NUP210L: variants seen among roughly 807,000 people sequenced by gnomAD.
NUP210L encodes nucleoporin 210 like.
In NUP210L, 74 loss-of-function variants were observed where a neutral mutation model predicts 208.5. That is an observed-to-expected ratio of 0.35 (90% CI 0.29 to 0.43). NUP210L has a LOEUF of 0.43. Among genes scored for constraint, NUP210L ranks in the 20% least tolerant of loss-of-function variants. The probability of loss-of-function intolerance (pLI) is 1.00; values close to 1 mark genes in which losing one functional copy is unlikely to be tolerated. For synonymous variants in NUP210L, 780 were observed against 816.9 expected (o/e 0.95, Z 0.77); for missense variants, 1,843 against 2,289.4 (o/e 0.81, Z 3.98).
chr1:154,039,838 A>G (rs1210579838), intron 27 of NUP210L: 1 of 152,112 alleles, frequency 6.6e-6, no homozygotes, highest in African/African-American at 2.4e-5. Context: ...GAATATTGAT[A>G]TCTTTCTCTA....
chr1:154,034,084 A>G (rs1652401725), intron 27 of NUP210L, among the ~76,000 whole-genome samples: 1 of 151,988 alleles, frequency 6.6e-6, no homozygotes, highest in Admixed American at 6.6e-5. Context: ...TCAGTTTGCT[A>G]GTATTTTCAT....
rs1179239289 is a variant in NUP210L at position 154,009,615 on chromosome 1, C to T, written c.4930+357G>A. Among the ~76,000 whole-genome samples the T allele has an allele frequency of 2.8e-5, 3 of 106,618 alleles. No individual in the cohort carries two copies. The Admixed American group carries it at 3.9e-4, about 14-fold the overall frequency. 69.9% of individuals were successfully genotyped at this position (106,618 alleles called of 152,430 possible). A position where few individuals can be genotyped will look rare whatever the true frequency, so the allele number is the denominator to read the frequency against. ...CAGCCTGGGCAATATAGGAAGATCA[C>T]GTTGCTCTTAAAAAAAAAAAAAAAA... On this transcript the variant is annotated intron_variant, in intron 35 of 39. Coordinates refer to ENST00000368559, the Ensembl canonical transcript of NUP210L.
rs758098192 is a variant in NUP210L, at chr1:154,030,061, A to G, written c.3697-7T>C. Reference sequence around the variant, plus strand: ...CTGGGAGCTGTAGAAAAACCTAGACAGTGAAGGGATAGATTAAGAAATATT... The same window carrying G: ...CTGGGAGCTGTAGAAAAACCTAGACGGTGAAGGGATAGATTAAGAAATATT... On this transcript the variant is annotated splice_region_variant and splice_polypyrimidine_tract_variant and intron_variant, in intron 27 of 39. Coordinates refer to ENST00000368559, the Ensembl canonical transcript of NUP210L. The G allele has an allele frequency of 2.2e-5, 35 of 1,563,274 alleles. No homozygotes were observed. Among genetic ancestry groups the G allele is most frequent in the Non-Finnish European group, 3.0e-5 (35 of 1,162,036 alleles).
intron 16 of NUP210L, among the ~76,000 whole-genome samples, chr1:154,085,720 C>G (rs938479687): frequency 6.6e-6 from 1 of 152,132 alleles, no homozygotes; most frequent in East Asian, 1.9e-4. Flanking sequence ...AACCTCAAAA[C>G]TTACTACAAA....
At chr1:154,019,267 G>A (rs572889535) in intron 32 of NUP210L, among the ~76,000 whole-genome samples, 198 bp from the exon 33 acceptor site, 2 of 152,278 alleles carry the variant, frequency 1.3e-5, no homozygotes, top group East Asian at 1.9e-4. Flanking sequence ...AGAATCATAA[G>A]AAGAGCTACG....
chr1:154,151,709 G>A (rs1460271941), intron 2 of NUP210L, among the ~76,000 whole-genome samples: 1 of 151,930 alleles, frequency 6.6e-6, no homozygotes, highest in African/African-American at 2.4e-5. Flanking sequence ...TCACTGTGTT[G>A]CGCAGGCCAG....
intron 35 of NUP210L, among the ~76,000 whole-genome samples, chr1:154,007,787 G>GA (rs1007825341): frequency 6.6e-6 from 1 of 151,248 alleles, no homozygotes; most frequent in Non-Finnish European, 1.5e-5. Context: ...TGTTAGCCAG[G>GA]ATGGTCTCGG....
rs1159705813 is a variant in NUP210L, at chr1:154,119,169, AG to A, written c.1327-362del. 2.0e-5 allele frequency among the ~76,000 whole-genome samples: 3 copies of A among 152,296 alleles called. No individual in the cohort carries two copies. In the East Asian group the frequency reaches 5.8e-4, roughly 29 times the overall value. On this transcript the variant is annotated intron_variant, in intron 10 of 39. Coordinates refer to ENST00000368559, the Ensembl canonical transcript of NUP210L. ...GGACATCCATAAACTGTAAAGGGAA[AG>A]GGATACTATAAGCTATTCAGAAGAA... is the stretch of plus-strand genomic sequence containing the variant.
intron 21 of NUP210L, 97 bp from the exon 22 acceptor site, chr1:154,058,313 C>G (rs1430253265): frequency 7.6e-7 from 1 of 1,307,798 alleles, no homozygotes; most frequent in Non-Finnish European, 1.1e-6. Context: ...TTCTTTCATG[C>G]TAAATGATCC....
At chr1:154,099,888 A>G (rs1028730997) in intron 14 of NUP210L, 110 bp downstream of exon 14, 1 of 1,115,682 alleles carries the variant, frequency 9.0e-7, no homozygotes, top group Non-Finnish European at 1.3e-6. Flanking sequence ...TAAAGAGAAC[A>G]TAAATGTCAT....
chr1:154,076,153 G>A (rs1655026748), intron 16 of NUP210L, among the ~76,000 whole-genome samples: 2 of 148,512 alleles, frequency 1.3e-5, no homozygotes, highest in South Asian at 4.3e-4. Context: ...TGCCAGGCTG[G>A]AGTGCAGTGG....
At chr1:154,114,761 A>T (rs1215022562) in intron 12 of NUP210L, among the ~76,000 whole-genome samples, 1 of 126,426 alleles carries the variant, frequency 7.9e-6, no homozygotes, top group Non-Finnish European at 1.6e-5. Flanking sequence ...TGCCTGGTTA[A>T]TTTTTTTTTT....
chr1:153,997,924 G>C (rs936397721), intron 37 of NUP210L, among the ~76,000 whole-genome samples: 2 of 151,562 alleles, frequency 1.3e-5, no homozygotes, highest in African/African-American at 4.8e-5. Flanking sequence ...TGGCCAGGCT[G>C]GTCTCAAACT....
intron 4 of NUP210L, 136 bp from the exon 5 acceptor site, chr1:154,140,088 C>T (rs1658762857): frequency 1.3e-5 from 9 of 680,510 alleles, no homozygotes; most frequent in East Asian, 2.7e-5. Context: ...TGGTAGCTCA[C>T]GCCTGTAATC....
intron 35 of NUP210L, among the ~76,000 whole-genome samples, chr1:154,009,122 C>T (rs986000800): frequency 6.6e-6 from 1 of 151,990 alleles, no homozygotes; most frequent in African/African-American, 2.4e-5. Context: ...GTTGGCCAGG[C>T]TGGTCTCCGA....
intron 16 of NUP210L, among the ~76,000 whole-genome samples, chr1:154,081,614 G>A (rs1339551639): frequency 6.6e-6 from 1 of 152,188 alleles, no homozygotes; most frequent in Non-Finnish European, 1.5e-5. Context: ...GCTGGTGATG[G>A]AGTTTAATCA....
intron 17 of NUP210L, among the ~76,000 whole-genome samples, chr1:154,064,820 A>C (rs1654316519): frequency 6.6e-6 from 1 of 152,156 alleles, no homozygotes; most frequent in Non-Finnish European, 1.5e-5. Context: ...CATGCCTGTA[A>C]TCCCAGCACT....
intron 25 of NUP210L, among the ~76,000 whole-genome samples, chr1:154,046,812 C>T (rs1314424391): frequency 6.6e-6 from 1 of 152,174 alleles, no homozygotes; most frequent in African/African-American, 2.4e-5. Flanking sequence ...CGCCTGTAAT[C>T]CCAGCACTTT....
At chr1:154,089,521 C>T (rs752517974) in exon 16 of NUP210L, 30 of 1,613,968 alleles carry the variant, frequency 1.9e-5, no homozygotes, top group South Asian at 3.3e-5. Flanking sequence ...ACAAATGAAG[C>T]GAACCTGCAA....
Sources: allele counts gnomAD v4.1 joint callset (sites outside exome capture counted in the v4.1 genomes callset), GRCh38; gene constraint gnomAD v4.1.1; transcripts MANE v1.5; gene names NCBI Gene and HGNC (gene_info 2026-07-23, HGNC 2026-07-21).